The following ADISSP variants were observed in gnomAD, a reference collection of about 807,000 sequenced individuals.
ADISSP encodes the protein adipose secreted signaling protein, also known as adipose-secreted signaling protein.
chr20:3,761,644 G>A, the ADISSP span, among the ~76,000 whole-genome samples: 1 of 152,088 alleles, frequency 6.6e-6, no homozygotes, highest in African/African-American at 2.4e-5. Flanking sequence ...CCGAGGACCT[G>A]GTGTTTAAGA....
At chr20:3,759,928 T>A in the ADISSP span, 1 of 1,292,102 alleles carries the variant, frequency 7.7e-7, no homozygotes. The surrounding 1 kb of genome is among the most constrained non-coding windows in gnomAD (Gnocchi z 4.6). Flanking sequence ...AACACTGACA[T>A]AGTCCCAATC....
chr20:3,755,487 C>T, the ADISSP span: 23 of 1,612,122 alleles, frequency 1.4e-5, no homozygotes, highest in Non-Finnish European at 1.8e-5. Flanking sequence ...ACGGGCACCA[C>T]GCTGAGGAGC....
chr20:3,761,719 T>C, the ADISSP span, among the ~76,000 whole-genome samples: 1 of 152,210 alleles, frequency 6.6e-6, no homozygotes, highest in Non-Finnish European at 1.5e-5. Context: ...TCTATCTCTC[T>C]ACTCTCTGCA....
chr20:3,764,183 A>G, the ADISSP span, among the ~76,000 whole-genome samples: 3 of 152,010 alleles, frequency 2.0e-5, no homozygotes, highest in Non-Finnish European at 4.4e-5. Flanking sequence ...GTATATGACA[A>G]ATGGCCAAGC....
the ADISSP span, chr20:3,759,973 GCACA>G: frequency 1.4e-3 from 1,871 of 1,321,610 alleles, 3 homozygotes; most frequent in South Asian, 2.1e-3. The surrounding 1 kb of genome is among the most constrained non-coding windows in gnomAD (Gnocchi z 4.6). Flanking sequence ...ACTCACACAT[GCACA>G]CACACACACA....
At chr20:3,758,751 AC>A in the ADISSP span, 2 of 1,424,032 alleles carry the variant, frequency 1.4e-6, no homozygotes, top group Non-Finnish European at 9.7e-7. This position sits in a 1 kb window ranked among gnomAD's most constrained non-coding sequence, Gnocchi z 5.5. Flanking sequence ...TCCCCTCGTC[AC>A]CCCCAAGACT....
the ADISSP span, among the ~76,000 whole-genome samples, chr20:3,766,452 GT>G: frequency 1.3e-4 from 20 of 152,052 alleles, no homozygotes; most frequent in Admixed American, 7.2e-4. Flanking sequence ...GGTGCTGGGG[GT>G]GGGGGTGGGG....
At chr20:3,758,482 C>T in the ADISSP span, 1 of 1,572,058 alleles carries the variant, frequency 6.4e-7, no homozygotes, top group Non-Finnish European at 8.7e-7. The surrounding 1 kb of genome is among the most constrained non-coding windows in gnomAD (Gnocchi z 5.5). Context: ...CACCCAGAAG[C>T]CAGGCAGAGC....
At chr20:3,760,203 G>A in the ADISSP span, 3 of 928,690 alleles carry the variant, frequency 3.2e-6, no homozygotes, top group South Asian at 1.4e-5. Context: ...GATAGGGAGT[G>A]GGGAGGGCAG....
At chr20:3,766,040 C>T in the ADISSP span, among the ~76,000 whole-genome samples, 2 of 152,180 alleles carry the variant, frequency 1.3e-5, no homozygotes, top group African/African-American at 4.8e-5. Context: ...CTTCTTCAGT[C>T]CCCATTCTCA....
At chr20:3,756,562 CAG>C in the ADISSP span, among the ~76,000 whole-genome samples, 1 of 152,182 alleles carries the variant, frequency 6.6e-6, no homozygotes, top group Non-Finnish European at 1.5e-5. Flanking sequence ...GGACTGGCTG[CAG>C]AGAGTTTTAG....
chr20:3,759,212 C>A, the ADISSP span, among the ~76,000 whole-genome samples: 3 of 152,162 alleles, frequency 2.0e-5, no homozygotes, highest in Non-Finnish European at 4.4e-5. This position sits in a 1 kb window ranked among gnomAD's most constrained non-coding sequence, Gnocchi z 4.6. Flanking sequence ...GATCAAAAAA[C>A]ACACTCAGGC....
At chr20:3,757,876 C>T in the ADISSP span, among the ~76,000 whole-genome samples, 3 of 152,140 alleles carry the variant, frequency 2.0e-5, no homozygotes, top group South Asian at 2.1e-4. Flanking sequence ...GCAGCAGACC[C>T]CCCACTCAGG....
the ADISSP span, among the ~76,000 whole-genome samples, chr20:3,756,441 G>GTACTCC: frequency 4.3e-5 from 1 of 23,048 alleles, no homozygotes; most frequent in African/African-American, 1.3e-4. Context: ...GCTGGTGGGG[G>GTACTCC]TGCCACGCCA....
chr20:3,765,601 C>T, the ADISSP span, among the ~76,000 whole-genome samples: 1 of 152,182 alleles, frequency 6.6e-6, no homozygotes, highest in Non-Finnish European at 1.5e-5. Context: ...TCAGCAGCAC[C>T]GTCAGAGAGG....
chr20:3,753,937 G>A, the ADISSP span: 1 of 736,120 alleles, frequency 1.4e-6, no homozygotes. Context: ...CGTGGGCAAG[G>A]CCACTCCACC....
the ADISSP span, among the ~76,000 whole-genome samples, chr20:3,765,142 C>G: frequency 1.9e-3 from 286 of 152,354 alleles, no homozygotes; most frequent in Non-Finnish European, 3.2e-3. Flanking sequence ...AAAACCAAAC[C>G]TCCTTTCTCA....
chr20:3,755,370 G>A, the ADISSP span: 171 of 1,168,222 alleles, frequency 1.5e-4, 1 homozygote, highest in Middle Eastern at 3.9e-4. Flanking sequence ...CCACATCCCC[G>A]ACTTGCTGAG....
chr20:3,757,513 T>C, the ADISSP span, among the ~76,000 whole-genome samples: 2 of 152,222 alleles, frequency 1.3e-5, no homozygotes, highest in African/African-American at 4.8e-5. Context: ...GGGAGAGAGC[T>C]ATTTTTAAGT....
Sources: allele counts gnomAD v4.1 joint callset (sites outside exome capture counted in the v4.1 genomes callset), GRCh38; gene constraint gnomAD v4.1.1; non-coding constraint Gnocchi (gnomAD v3.1); transcripts MANE v1.5; gene names NCBI Gene and HGNC (gene_info 2026-07-23, HGNC 2026-07-21).